The following PLA2G1B variants were observed in gnomAD, a reference collection of about 807,000 sequenced individuals.
The protein encoded by PLA2G1B is phospholipase A2 group IB.
Under a neutral mutation model 12.5 loss-of-function variants are expected in PLA2G1B, and 12 were observed. The ratio of observed to expected loss-of-function variants is 0.96; its 90% CI spans 0.62 to 1.56. The LOEUF is 1.56. Among genes scored for constraint, PLA2G1B ranks in the 40% most tolerant of loss-of-function variants. The pLI, the probability that PLA2G1B is intolerant of heterozygous loss-of-function variation, is 0.00. For missense variants in PLA2G1B, 189 were observed against 186.7 expected, an observed-to-expected ratio of 1.01 and a Z score of -0.07; for synonymous variants, 81 against 73.4, an observed-to-expected ratio of 1.10 and a Z score of -0.53.
At chr12:120,323,457 G>A (rs1229430428) in intron 3 of PLA2G1B, among the ~76,000 whole-genome samples, 2 of 151,620 alleles carry the variant, frequency 1.3e-5, no homozygotes, top group Non-Finnish European at 2.9e-5. Flanking sequence ...GTAGAGATAG[G>A]GTTTCACCAT....
chr12:120,327,651 A>G, intron 1 of PLA2G1B, 69 bp downstream of exon 1: 2 of 1,473,102 alleles, frequency 1.4e-6, no homozygotes, highest in Non-Finnish European at 9.5e-7. Flanking sequence ...TGTGGCCCCC[A>G]TTCCAGAGGA....
chr12:120,325,786 C>T (rs1873329544), intron 2 of PLA2G1B, 75 bp downstream of exon 2: 1 of 1,410,470 alleles, frequency 7.1e-7, no homozygotes. Flanking sequence ...CTTTGTATGC[C>T]TCGTGAGATC....
intron 1 of PLA2G1B, among the ~76,000 whole-genome samples, chr12:120,327,118 A>C (rs1008194359): frequency 1.3e-5 from 2 of 152,046 alleles, no homozygotes; most frequent in South Asian, 2.1e-4. Flanking sequence ...TACCAAAAAA[A>C]ACACACAAAA....
At chr12:120,324,884 C>T in intron 3 of PLA2G1B, 50 bp downstream of exon 3, 2 of 1,597,454 alleles carry the variant, frequency 1.3e-6, no homozygotes, top group Non-Finnish European at 1.7e-6. Flanking sequence ...TTCCCCCCGG[C>T]CTACTGAGAA....
At chr12:120,327,294 A>AAAAAT (rs1345383763) in intron 1 of PLA2G1B, among the ~76,000 whole-genome samples, 11 of 151,926 alleles carry the variant, frequency 7.2e-5, no homozygotes, top group African/African-American at 2.4e-4. Context: ...GCCCCGTCTC[A>AAAAAT]AAAATAAAAT....
At chr12:120,327,695 G>T (rs953429521) in intron 1 of PLA2G1B, 25 bp downstream of exon 1, 1 of 1,611,174 alleles carries the variant, frequency 6.2e-7, no homozygotes, top group East Asian at 2.2e-5. Context: ...GAGAAAGGCG[G>T]GTGGAGCCGG....
intron 2 of PLA2G1B, among the ~76,000 whole-genome samples, 185 bp downstream of exon 2, chr12:120,325,676 A>G (rs1873326871): frequency 1.3e-5 from 2 of 152,170 alleles, no homozygotes; most frequent in South Asian, 2.1e-4. Flanking sequence ...CATTGTTTCC[A>G]TCTCTAACGG....
intron 1 of PLA2G1B, among the ~76,000 whole-genome samples, chr12:120,327,484 A>AAAT (rs1873374129): frequency 6.6e-6 from 1 of 152,180 alleles, no homozygotes; most frequent in Admixed American, 6.5e-5. Context: ...GGAAAAAAGA[A>AAAT]AATAAAGGCA....
At chr12:120,324,730 T>C (rs1873303672) in intron 3 of PLA2G1B, among the ~76,000 whole-genome samples, 1 of 152,088 alleles carries the variant, frequency 6.6e-6, no homozygotes, top group African/African-American at 2.4e-5. Flanking sequence ...CTTGGGCAAA[T>C]AGCTCAGCCT....
Position 120,325,062 on chromosome 12 carries a change from C to G in PLA2G1B, c.195-1G>C. On this transcript the variant is annotated splice_acceptor_variant, in intron 2 of 3. Coordinates refer to ENST00000308366, the MANE Select transcript of PLA2G1B (RefSeq NM_000928.3). LOFTEE classifies it high-confidence loss of function. ...GCAGTTGTCATGTGTCTGGCAGCAC[C>G]TGGAAAGTGGGAGGGACAGCTGAGA... is the stretch of plus-strand genomic sequence containing the variant. The G allele has an allele frequency of 6.2e-7, 1 of 1,613,958 alleles. No homozygotes were observed.
rs182311759 is a variant in PLA2G1B, at chr12:120,326,764, A to G, written c.35-744T>C. On this transcript the variant is annotated intron_variant, in intron 1 of 3. Coordinates refer to ENST00000308366, the MANE Select transcript of PLA2G1B (RefSeq NM_000928.3). ...GGCAGGCGGATCACAAGGTCATGAG[A>G]TCGAGACCATCCTGGCTAACACGAT... 7.9e-3 allele frequency among the ~76,000 whole-genome samples: 1,205 copies of G among 151,924 alleles called. 14 individuals carry two copies. The highest frequency in any genetic ancestry group is 0.028 in the African/African-American group (1,146 of 41,458).
intron 3 of PLA2G1B, among the ~76,000 whole-genome samples, chr12:120,322,719 T>C (rs1322316815): frequency 6.6e-6 from 1 of 152,170 alleles, no homozygotes; most frequent in African/African-American, 2.4e-5. Flanking sequence ...CCTGAGTAGC[T>C]GGGACTACAG....
rs186764431 is a variant in PLA2G1B, at chr12:120,325,809, C to T, written c.194+52G>A. On this transcript the variant is annotated intron_variant, in intron 2 of 3. Transcript: ENST00000308366. ...GCCTCGTGAGATCCTTGGCGTGTGC[C>T]CCACCCCGCCCCCGGCAGGCACTCC... 1.1e-4 allele frequency: 172 copies of T among 1,581,680 alleles called. No homozygotes were observed. In the East Asian group the frequency reaches 2.8e-3, roughly 26 times the overall value.
In PLA2G1B at chr12:120,325,140, C is replaced by T. The variant is rs569826658; in HGVS notation, c.195-79G>A. 2.0e-6 allele frequency: 3 copies of T among 1,486,884 alleles called. No homozygotes were observed. In the South Asian group the frequency reaches 3.4e-5, roughly 17 times the overall value. The allele number at this position is 1,486,884 out of a possible 1,614,324, so 92.1% of individuals were successfully genotyped here. A position where few individuals can be genotyped will look rare whatever the true frequency, so the allele number is the denominator to read the frequency against. On this transcript the variant is annotated intron_variant, in intron 2 of 3. Transcript: ENST00000308366. Reference sequence around the variant, plus strand: ...GCCCTCACCTGCCCACTCTCAGGAACAGGTGGGGATGACTTCGCCAAGATG... The same window carrying T: ...GCCCTCACCTGCCCACTCTCAGGAATAGGTGGGGATGACTTCGCCAAGATG...
At chr12:120,327,267 C>A (rs573059800) in intron 1 of PLA2G1B, among the ~76,000 whole-genome samples, 1 of 152,136 alleles carries the variant, frequency 6.6e-6, no homozygotes, top group Non-Finnish European at 1.5e-5. Context: ...CGCACTCCAG[C>A]CTGGGCGACA....
intron 3 of PLA2G1B, among the ~76,000 whole-genome samples, chr12:120,324,524 C>G (rs1207319589): frequency 3.3e-4 from 50 of 152,020 alleles, no homozygotes; most frequent in Non-Finnish European, 2.9e-5. Context: ...TTTAATTAGC[C>G]AGGCGTGGTG....
Position 120,325,065 on chromosome 12 carries a change from G to A in PLA2G1B, c.195-4C>T, listed in dbSNP as rs1873313938. Reference sequence around the variant, plus strand: ...GTTGTCATGTGTCTGGCAGCACCTGGAAAGTGGGAGGGACAGCTGAGATAG... The same window carrying A: ...GTTGTCATGTGTCTGGCAGCACCTGAAAAGTGGGAGGGACAGCTGAGATAG... On this transcript the variant is annotated splice_region_variant and splice_polypyrimidine_tract_variant and intron_variant, in intron 2 of 3. Coordinates refer to ENST00000308366, the MANE Select transcript of PLA2G1B (RefSeq NM_000928.3). 1.2e-6 allele frequency: 2 copies of A among 1,613,872 alleles called. No individual in the cohort carries two copies. The highest frequency in any genetic ancestry group is 1.3e-5 in the African/African-American group (1 of 74,898).
Position 120,324,678 on chromosome 12 carries a change from CA to C in PLA2G1B, c.322+255del, listed in dbSNP as rs200968497. On this transcript the variant is annotated intron_variant, in intron 3 of 3. Transcript: ENST00000308366. ...GCAAGACCCTGTCTCTAAACAACAACAAAAAAAAACCCAAACTGTCACCACT... is the reference window on the plus strand; with the variant it reads ...GCAAGACCCTGTCTCTAAACAACAACAAAAAAAACCCAAACTGTCACCACT... Among the ~76,000 whole-genome samples, 16 of 150,942 alleles carry C rather than the reference CA, an allele frequency of 1.1e-4. No homozygotes were observed. The South Asian group carries it at 2.5e-3, about 24-fold the overall frequency.
At chr12:120,322,438 C>T in intron 3 of PLA2G1B, 121 bp from the exon 4 acceptor site, 1 of 847,806 alleles carries the variant, frequency 1.2e-6, no homozygotes, top group Non-Finnish European at 1.9e-6. Context: ...TTAGGGCTGA[C>T]AGATTAAGTG....
Sources: gnomAD v4.1 joint callset for allele counts (sites outside exome capture counted in the v4.1 genomes callset) on GRCh38, gnomAD v4.1.1 for gene constraint, MANE v1.5 for transcripts, NCBI Gene and HGNC (gene_info 2026-07-23, HGNC 2026-07-21) for gene names.